ASMT: variants seen among roughly 807,000 people sequenced by gnomAD.
The protein encoded by ASMT is acetylserotonin N-methyltransferase.
ASMT carries 53 observed loss-of-function variants against 41.3 expected under a neutral mutation model. That is an observed-to-expected ratio of 1.28 (90% CI 1.03 to 1.61). ASMT has a LOEUF of 1.61. ASMT is among the 40% of genes most tolerant of loss of function. The probability of loss-of-function intolerance (pLI) is 0.00; values close to 1 mark genes in which losing one functional copy is unlikely to be tolerated. For synonymous variants in ASMT, 231 were observed against 184.8 expected (o/e 1.25, Z -2.03); for missense variants, 531 against 441.3 (o/e 1.20, Z -1.82).
At position 1,641,289 on chromosome X, in the gene ASMT, CAT is replaced by C. The variant is rs1569387243; in HGVS notation, c.911-1513_911-1512del. Among the ~76,000 whole-genome samples, 31 of 24,528 alleles carry C rather than the reference CAT, an allele frequency of 1.3e-3. 2 individuals carry two copies. The highest frequency in any genetic ancestry group is 3.7e-3 in the African/African-American group (26 of 7,044). The allele number at this position is 24,528 out of a possible 152,430, so 16.1% of individuals were successfully genotyped here. On this transcript the variant is annotated intron_variant, in intron 8 of 8. Transcript: ENST00000381241. Reference sequence around the variant, plus strand: ...CAGCCTCTGTGTGTGAGATAGGGACCATGTCCCAGCTCTCCTGTGAGGTCCAC... The same window carrying C: ...CAGCCTCTGTGTGTGAGATAGGGACCGTCCCAGCTCTCCTGTGAGGTCCAC...
rs371350373 is a variant in ASMT at position 1,627,730 on chromosome X, G to A, written c.402G>A (p.Thr134=). Residue 134 remains threonine (T), a synonymous_variant, in exon 4 of 9, where the codon ACG becomes ACA. Transcript: ENST00000381241. Reference sequence around the variant, plus strand: ...AAGGAAGGAACCAGTACCTGGAGACGTTTGGCGTTCCCGCTGAAGAGCTTT... The same window carrying A: ...AAGGAAGGAACCAGTACCTGGAGACATTTGGCGTTCCCGCTGAAGAGCTTT... ...VREGRNQYLE[T]FGVPAEELFT... 4 of 1,613,958 alleles carry A rather than the reference G, an allele frequency of 2.5e-6. No individual in the cohort carries two copies. Among genetic ancestry groups the A allele is most frequent in the South Asian group, 1.1e-5 (1 of 91,076 alleles).
At chrX:1,642,269 G>C (rs370872877) in intron 8 of ASMT, among the ~76,000 whole-genome samples, 1 of 150,518 alleles carries the variant, frequency 6.6e-6, no homozygotes, top group Non-Finnish European at 1.5e-5. Context: ...GCCTCTGTGT[G>C]TGTGATGGGG....
In ASMT at chrX:1,619,434, C is replaced by T. The variant is rs755601139; in HGVS notation, c.70-3705C>T. On this transcript the variant is annotated intron_variant, in intron 1 of 8. Transcript: ENST00000381241. ...AAGTGGGGGCTGGGGAGGGAGAGCACTAGGACAAATACCTAATGTAGGTGA... is the reference window on the plus strand; with the variant it reads ...AAGTGGGGGCTGGGGAGGGAGAGCATTAGGACAAATACCTAATGTAGGTGA... 5.1e-4 allele frequency among the ~76,000 whole-genome samples: 76 copies of T among 149,810 alleles called. No individual in the cohort carries two copies. In the South Asian group the frequency reaches 0.014, roughly 28 times the overall value.
At chrX:1,616,272 A>G (rs1274721563) in intron 1 of ASMT, among the ~76,000 whole-genome samples, 5 of 151,216 alleles carry the variant, frequency 3.3e-5, no homozygotes, top group Admixed American at 2.0e-4. Flanking sequence ...CAAGTGATTC[A>G]CCTGCCTCGG....
At chrX:1,630,522 G>C (rs1213802420) in intron 5 of ASMT, among the ~76,000 whole-genome samples, 2 of 151,940 alleles carry the variant, frequency 1.3e-5, no homozygotes, top group Non-Finnish European at 2.9e-5. Context: ...GGCCAGGCTG[G>C]TCTCGAACTC....
At chrX:1,616,021 A>T (rs1212140252) in intron 1 of ASMT, among the ~76,000 whole-genome samples, 2 of 147,098 alleles carry the variant, frequency 1.4e-5, no homozygotes, top group African/African-American at 2.4e-5. Context: ...GAGGAGCAAC[A>T]CCTCATTCCT....
At chrX:1,619,192 G>A (rs28567974) in intron 1 of ASMT, among the ~76,000 whole-genome samples, 6,804 of 151,868 alleles carry the variant, frequency 0.045, 448 homozygotes, top group African/African-American at 0.16. Flanking sequence ...TCAGGAGTTC[G>A]AGACCAGCCT....
At chrX:1,631,420 A>G (rs1411660134) in intron 5 of ASMT, among the ~76,000 whole-genome samples, 1 of 150,950 alleles carries the variant, frequency 6.6e-6, no homozygotes, top group African/African-American at 2.4e-5. Context: ...TCTACCCCAT[A>G]GGGCTGTCAC....
rs753594829 is a variant in ASMT, at chrX:1,642,956, G to T, written c.1064G>T (p.Arg355Ile). 1 of 1,613,992 alleles carries T rather than the reference G, an allele frequency of 6.2e-7. No individual in the cohort carries two copies. Residue 355 changes from arginine to isoleucine, a missense_variant, in exon 9 of 9, where the codon AGA becomes ATA. Physicochemically the swap from Arg to Ile is moderately conservative, Grantham distance 97 (BLOSUM62 -3). Transcript: ENST00000381241. ...ATGCTCCTCTCTTCTGCTGGCTTCA[G>T]AGACTTCCAGTTTAAGAAAACAGGA... ...YHMLLSSAGF[R>I]DFQFKKTGAI...
At chrX:1,624,072 G>T (rs1249387955) in intron 2 of ASMT, 197 bp from the exon 3 acceptor site, 3 of 207,644 alleles carry the variant, frequency 1.4e-5, no homozygotes, top group Non-Finnish European at 2.5e-5. Flanking sequence ...CCCGACGGGG[G>T]TGCTAGCCGC....
At chrX:1,616,868 C>T (rs1838111202) in intron 1 of ASMT, among the ~76,000 whole-genome samples, 1 of 151,832 alleles carries the variant, frequency 6.6e-6, no homozygotes, top group African/African-American at 2.4e-5. Context: ...GCCACCACGC[C>T]CGGCTAATTT....
chrX:1,627,233 G>T (rs762397462), intron 3 of ASMT, among the ~76,000 whole-genome samples: 1 of 151,272 alleles, frequency 6.6e-6, no homozygotes, highest in South Asian at 2.1e-4. Flanking sequence ...GGCTGAGGTA[G>T]GAAAATCGCT....
intron 7 of ASMT, chrX:1,636,209 C>CG: frequency 1.6e-6 from 1 of 608,608 alleles, no homozygotes; most frequent in South Asian, 1.7e-5. Flanking sequence ...TGCCCACCTC[C>CG]GCCTCCCAAA....
At chrX:1,627,673 T>C (rs1364917821) in intron 3 of ASMT, 30 bp from the exon 4 acceptor site, 10 of 1,468,032 alleles carry the variant, frequency 6.8e-6, no homozygotes, top group Non-Finnish European at 8.5e-6. Context: ...TGAAATGAAA[T>C]GAAAATCAGC....
Position 1,623,420 on chromosome X carries a change from C to A in ASMT, c.244+107C>A, listed in dbSNP as rs1461755937. ...CTCCATCCTGGCTCACACAGTGAAACCCCGTCTCTACTAAAAAAAATACAA... is the reference window on the plus strand; with the variant it reads ...CTCCATCCTGGCTCACACAGTGAAAACCCGTCTCTACTAAAAAAAATACAA... On this transcript the variant is annotated intron_variant, in intron 2 of 8. Transcript: ENST00000381241. 3.6e-6 allele frequency: 5 copies of A among 1,393,978 alleles called. No homozygotes were observed. The South Asian group carries it at 4.8e-5, about 13-fold the overall frequency. 86.4% of individuals were successfully genotyped at this position (1,393,978 alleles called of 1,614,324 possible).
At chrX:1,616,735 G>C (rs1429847044) in intron 1 of ASMT, among the ~76,000 whole-genome samples, 1 of 150,334 alleles carries the variant, frequency 6.7e-6, no homozygotes, top group Non-Finnish European at 1.5e-5. Context: ...TTGAGACAGA[G>C]TCTCGCTCTG....
chrX:1,633,698 G>C (rs1166911809), intron 7 of ASMT, among the ~76,000 whole-genome samples: 1 of 148,622 alleles, frequency 6.7e-6, no homozygotes, highest in Non-Finnish European at 1.5e-5. Flanking sequence ...GGAGTGTGGT[G>C]ACAGATCTCG....
rs144019189 is a variant in ASMT at position 1,636,679 on chromosome X, A to G, written c.910+119A>G. 48 of 1,480,504 alleles carry G rather than the reference A, an allele frequency of 3.2e-5. No homozygotes were observed. The East Asian group carries it at 5.2e-4, about 16-fold the overall frequency. 91.7% of individuals were successfully genotyped at this position (1,480,504 alleles called of 1,614,324 possible). On this transcript the variant is annotated intron_variant, in intron 8 of 8. Coordinates refer to ENST00000381241, the MANE Select transcript of ASMT (RefSeq NM_001171038.2). ...CAGGTAAGGGTAGACATCCTGCCCA[A>G]TATGGCTTTCCTTTTAGATAACGAC...
At chrX:1,628,185 G>T (rs1934629217) in intron 4 of ASMT, among the ~76,000 whole-genome samples, 1 of 152,218 alleles carries the variant, frequency 6.6e-6, no homozygotes, top group Non-Finnish European at 1.5e-5. Flanking sequence ...GCCGGGCGTG[G>T]TGGCGGACGC....
Sources: allele counts gnomAD v4.1 joint callset (sites outside exome capture counted in the v4.1 genomes callset), GRCh38; gene constraint gnomAD v4.1.1; transcripts MANE v1.5; gene names NCBI Gene and HGNC (gene_info 2026-07-23, HGNC 2026-07-21).